The following RPS6KA6 variants were observed in gnomAD, a reference collection of about 807,000 sequenced individuals.
RPS6KA6 encodes ribosomal protein S6 kinase A6, also known as ribosomal protein S6 kinase alpha-6.
A neutral mutation model predicts 65.4 loss-of-function variants in RPS6KA6; 27 were observed. The ratio of observed to expected loss-of-function variants is 0.41; its 90% CI spans 0.30 to 0.57. The LOEUF is 0.57. Ranked by LOEUF, RPS6KA6 falls within the 20% of genes least tolerant of loss-of-function variation. RPS6KA6 has a pLI of 0.24. For synonymous variants in RPS6KA6, 190 were observed against 184.2 expected (o/e 1.03, Z -0.26); for missense variants, 486 against 555.6 (o/e 0.87, Z 1.26).
chrX:84,149,365 A>G (rs2035257847), intron 3 of RPS6KA6, among the ~76,000 whole-genome samples: 1 of 112,206 alleles, frequency 8.9e-6, no homozygotes, highest in Admixed American at 9.5e-5. Context: ...AATGACATCT[A>G]GAATAGCAAG....
At chrX:84,168,427 C>G (rs1209735990) in intron 1 of RPS6KA6, among the ~76,000 whole-genome samples, 1 of 111,436 alleles carries the variant, frequency 9.0e-6, no homozygotes, top group African/African-American at 3.3e-5. Flanking sequence ...TTCATATCTG[C>G]TCTTTCTTCA....
At chrX:84,135,236 TTG>T in intron 6 of RPS6KA6, 26 bp from the exon 7 acceptor site, 2 of 997,007 alleles carry the variant, frequency 2.0e-6, no homozygotes, top group Non-Finnish European at 2.8e-6. Context: ...GATTTATCAT[TTG>T]ATCTTTCTTT....
rs1248819406 is a variant in RPS6KA6, at chrX:84,063,524, G to C, written c.*753C>G. 1 of 108,947 alleles carries C rather than the reference G, an allele frequency of 9.2e-6. No individual in the cohort carries two copies. The highest frequency in any genetic ancestry group is 2.8e-4 in the East Asian group (1 of 3,509). The allele number at this position is 108,947 out of a possible 1,213,427, so 9.0% of individuals were successfully genotyped here. On this transcript the variant is annotated 3_prime_UTR_variant, in exon 22 of 22. Transcript: ENST00000262752. ...ATTACACCAACAGTATAAAGCCTTT[G>C]GAAAAAAAAAAAGTTTCACTTGTAC...
intron 6 of RPS6KA6, among the ~76,000 whole-genome samples, chrX:84,143,117 C>A (rs1315346839): frequency 1.8e-5 from 2 of 110,909 alleles, no homozygotes; most frequent in African/African-American, 6.5e-5. Context: ...AAGGGTAATA[C>A]ATCAAGACTA....
At chrX:84,067,761 C>A (rs2033436848) in intron 20 of RPS6KA6, among the ~76,000 whole-genome samples, 1 of 111,290 alleles carries the variant, frequency 9.0e-6, no homozygotes, top group Admixed American at 9.5e-5. Flanking sequence ...TCAGGAAATA[C>A]AGAGAACACC....
At chrX:84,102,235 A>ATGCTTT in intron 17 of RPS6KA6, 37 bp from the exon 18 acceptor site, 1 of 677,082 alleles carries the variant, frequency 1.5e-6, no homozygotes, top group Non-Finnish European at 2.0e-6. Flanking sequence ...TATCTATATA[A>ATGCTTT]TTAACTAAAT....
intron 6 of RPS6KA6, among the ~76,000 whole-genome samples, chrX:84,143,100 T>A (rs1252543663): frequency 9.0e-6 from 1 of 110,565 alleles, no homozygotes; most frequent in Admixed American, 9.7e-5. Flanking sequence ...GTCCAACAAT[T>A]TATAAAAAGG....
chrX:84,187,713 G>T, intron 1 of RPS6KA6, 106 bp downstream of exon 1: 2 of 773,657 alleles, frequency 2.6e-6, no homozygotes, highest in South Asian at 5.2e-5. Flanking sequence ...GCTTGCCCGG[G>T]AGCCCGCTTC....
At chrX:84,073,182 T>C (rs2147338406) in intron 20 of RPS6KA6, among the ~76,000 whole-genome samples, 1 of 111,475 alleles carries the variant, frequency 9.0e-6, no homozygotes. Context: ...AATAAACATA[T>C]AGACCAATGG....
intron 20 of RPS6KA6, 105 bp downstream of exon 20, chrX:84,096,085 CACTT>C (rs764109609): frequency 3.8e-6 from 2 of 531,327 alleles, no homozygotes; most frequent in Non-Finnish European, 6.7e-6. Context: ...TAATTCAAAA[CACTT>C]ACATATGACA....
rs774660554 is a variant in RPS6KA6, at chrX:84,145,483, T to C, written c.496A>G (p.Lys166Glu). 8.9e-7 allele frequency: 1 copy of C among 1,122,000 alleles called. No homozygotes were observed. Among genetic ancestry groups the C allele is most frequent in the East Asian group, 3.2e-5 (1 of 31,671 alleles). 92.5% of individuals were successfully genotyped at this position (1,122,000 alleles called of 1,213,427 possible). The change falls in exon 6 of 22, where the codon AAA becomes GAA. Residue 166 changes from lysine to glutamate, a missense_variant. Transcript: ENST00000262752. ...AAAAATGTACAGATACTTACCTCTT[T>C]GGATAATCTTGTGAAAACATCTCCT... ...RGGDVFTRLS[K>E]EVLFTEEDVK...
Position 84,058,355 on chromosome X carries a change from GA to G in RPS6KA6, c.*5921del. On this transcript the variant is annotated 3_prime_UTR_variant, in exon 22 of 22. Transcript: ENST00000262752. ...AGCGAGGTCAACGGTAAAAATGTTA[GA>G]AAGTTGCAGCCTTTTTATTTGGTAC... is the stretch of plus-strand genomic sequence containing the variant. 1 of 112,142 alleles carries G rather than the reference GA, an allele frequency of 8.9e-6. No homozygotes were observed. The highest frequency in any genetic ancestry group is 1.9e-5 in the Non-Finnish European group (1 of 53,259). The allele number at this position is 112,142 out of a possible 1,213,427, so 9.2% of individuals were successfully genotyped here. A position where few individuals can be genotyped will look rare whatever the true frequency, so the allele number is the denominator to read the frequency against.
At chrX:84,150,904 TATATAGAGAGGATATATATAGG>T (rs1191315952) in intron 3 of RPS6KA6, among the ~76,000 whole-genome samples, 24 of 96,842 alleles carry the variant, frequency 2.5e-4, no homozygotes, top group African/African-American at 7.4e-4. Context: ...ATATATAGGA[TATATAGAGAGGATATATATAGG>T]ATATATATAT....
intron 1 of RPS6KA6, among the ~76,000 whole-genome samples, chrX:84,169,884 A>T (rs61474251): frequency 0.12 from 13,535 of 111,024 alleles, 796 homozygotes; most frequent in East Asian, 0.52. Context: ...GTAAAAAAAA[A>T]TATTGGCCAG....
chrX:84,187,609 C>T (rs1267059813), intron 1 of RPS6KA6: 17 of 345,043 alleles, frequency 4.9e-5, no homozygotes, highest in Non-Finnish European at 7.9e-5. Flanking sequence ...AGGCCGAGCC[C>T]GGGCCCAGGC....
rs1240253019 is a variant in RPS6KA6 at position 84,062,695 on chromosome X, C to T, written c.*1582G>A. 1.8e-5 allele frequency: 2 copies of T among 111,648 alleles called. No individual in the cohort carries two copies. Among genetic ancestry groups the T allele is most frequent in the African/African-American group, 3.2e-5 (1 of 30,772 alleles). The allele number at this position is 111,648 out of a possible 1,213,427, so 9.2% of individuals were successfully genotyped here. A position where few individuals can be genotyped will look rare whatever the true frequency, so the allele number is the denominator to read the frequency against. ...TTGTGCATGGGGTATAGATTATTTA[C>T]ATTACAAACAGAATATGTATAGTTT... On this transcript the variant is annotated 3_prime_UTR_variant, in exon 22 of 22. Coordinates refer to ENST00000262752, the MANE Select transcript of RPS6KA6 (RefSeq NM_014496.5).
chrX:84,061,411 A>G lies in RPS6KA6; in HGVS notation c.*2866T>C, dbSNP rs756900855. 1 of 111,926 alleles carries G rather than the reference A, an allele frequency of 8.9e-6. No individual in the cohort carries two copies. The highest frequency in any genetic ancestry group is 1.9e-5 in the Non-Finnish European group (1 of 53,069). The allele number at this position is 111,926 out of a possible 1,213,427, so 9.2% of individuals were successfully genotyped here. ...GGTGCTATCAAAATTGTTTTATTAT[A>G]TTGAATTACCAATGACAATAAATTA... is the stretch of plus-strand genomic sequence containing the variant. On this transcript the variant is annotated 3_prime_UTR_variant, in exon 22 of 22. Transcript: ENST00000262752.
intron 20 of RPS6KA6, among the ~76,000 whole-genome samples, chrX:84,077,460 T>C (rs1045149898): frequency 1.8e-5 from 2 of 111,306 alleles, no homozygotes; most frequent in African/African-American, 3.3e-5. Context: ...AACAGAACCA[T>C]GGATATTTGG....
At chrX:84,112,011 C>T (rs1043378582) in intron 12 of RPS6KA6, among the ~76,000 whole-genome samples, 1 of 111,507 alleles carries the variant, frequency 9.0e-6, no homozygotes, top group Admixed American at 9.5e-5. Context: ...AAATAAAAAA[C>T]ACAACAAAGC....
Sources: allele counts gnomAD v4.1 joint callset (sites outside exome capture counted in the v4.1 genomes callset), GRCh38; gene constraint gnomAD v4.1.1; transcripts MANE v1.5; gene names NCBI Gene and HGNC (gene_info 2026-07-23, HGNC 2026-07-21).